The following CSMD1 variants were observed in gnomAD, a reference collection of about 807,000 sequenced individuals.
CSMD1 encodes the protein CUB and sushi domain-containing protein 1.
CSMD1 carries 213 observed loss-of-function variants against 417.5 expected under a neutral mutation model. The observed-to-expected ratio is 0.51, with a 90% CI of 0.46 to 0.57. The LOEUF (loss-of-function observed/expected upper bound fraction) is 0.57, where lower values mean the gene tolerates loss of function less well. CSMD1 is among the 20% of genes least tolerant of loss of function. The pLI, the probability that CSMD1 is intolerant of heterozygous loss-of-function variation, is 0.00. For synonymous variants in CSMD1, 2,862 were observed against 1,736.8 expected (o/e 1.65, Z -16.11); for missense variants, 6,923 against 4,529.7 (o/e 1.53, Z -15.17).
At chr8:3,747,200 C>T (rs1048197466) in intron 6 of CSMD1, among the ~76,000 whole-genome samples, 3 of 152,158 alleles carry the variant, frequency 2.0e-5, no homozygotes, top group Non-Finnish European at 4.4e-5. Context: ...TGACGAGAGC[C>T]ACAGCCCTTA....
chr8:4,296,432 A>G (rs936951481), intron 3 of CSMD1, among the ~76,000 whole-genome samples: 2 of 152,234 alleles, frequency 1.3e-5, no homozygotes, highest in Non-Finnish European at 2.9e-5. Flanking sequence ...AGTGTGAGAT[A>G]GCATGGCATT....
intron 3 of CSMD1, among the ~76,000 whole-genome samples, chr8:4,277,056 C>T (rs1796527054): frequency 6.6e-6 from 1 of 152,058 alleles, no homozygotes; most frequent in African/African-American, 2.4e-5. Flanking sequence ...TCAGACTATC[C>T]ATTTTACAAT....
chr8:4,450,159 T>G (rs1300907119), intron 2 of CSMD1, among the ~76,000 whole-genome samples: 1 of 152,136 alleles, frequency 6.6e-6, no homozygotes, highest in African/African-American at 2.4e-5. Context: ...CCAAAATGGT[T>G]GATATACGTA....
chr8:3,502,603 C>T (rs1381344952), intron 10 of CSMD1, among the ~76,000 whole-genome samples: 2 of 152,138 alleles, frequency 1.3e-5, no homozygotes, highest in Non-Finnish European at 2.9e-5. Context: ...GTGAAACAAG[C>T]CAATTTTAGA....
intron 2 of CSMD1, among the ~76,000 whole-genome samples, chr8:4,620,670 G>C (rs1256532633): frequency 6.6e-6 from 1 of 151,708 alleles, no homozygotes; most frequent in East Asian, 1.9e-4. Flanking sequence ...ATAGGACGAA[G>C]ATAAAATCAT....
intron 1 of CSMD1, chr8:4,787,946 T>A (rs1270135391): frequency 6.3e-7 from 1 of 1,594,986 alleles, no homozygotes; most frequent in Non-Finnish European, 8.6e-7. Context: ...TTGACAATGA[T>A]TCCTGGAGAC....
At chr8:3,187,379 G>C (rs910367606) in intron 36 of CSMD1, among the ~76,000 whole-genome samples, 2 of 152,188 alleles carry the variant, frequency 1.3e-5, no homozygotes, top group Non-Finnish European at 2.9e-5. Flanking sequence ...GCATTCGTGA[G>C]AGTCGGAGGT....
At chr8:4,034,128 T>C (rs1226373620) in intron 3 of CSMD1, among the ~76,000 whole-genome samples, 1 of 152,214 alleles carries the variant, frequency 6.6e-6, no homozygotes, top group Non-Finnish European at 1.5e-5. Flanking sequence ...ATATTTTCTG[T>C]TTTATTAGTT....
chr8:4,535,029 G>A (rs1167219293), intron 2 of CSMD1, among the ~76,000 whole-genome samples: 1 of 152,174 alleles, frequency 6.6e-6, no homozygotes, highest in Non-Finnish European at 1.5e-5. Flanking sequence ...CCAAAGTGCT[G>A]GGATTACAGG....
chr8:3,267,388 C>T (rs899775584), intron 26 of CSMD1, among the ~76,000 whole-genome samples: 1 of 152,212 alleles, frequency 6.6e-6, no homozygotes, highest in Non-Finnish European at 1.5e-5. Context: ...TACAAAGGTG[C>T]GTTGGAGCAA....
At chr8:3,247,826 A>C (rs911281236) in intron 26 of CSMD1, among the ~76,000 whole-genome samples, 2 of 152,214 alleles carry the variant, frequency 1.3e-5, no homozygotes, top group South Asian at 2.1e-4. Context: ...CCTCCAATCT[A>C]CTGTACAAAA....
intron 2 of CSMD1, among the ~76,000 whole-genome samples, chr8:4,632,752 G>A (rs1051124027): frequency 2.6e-5 from 4 of 152,164 alleles, no homozygotes; most frequent in Admixed American, 6.6e-5. Flanking sequence ...CAAAGAAAAT[G>A]TACGTGGGTT....
At chr8:3,597,015 G>C (rs1416230228) in intron 8 of CSMD1, among the ~76,000 whole-genome samples, 3 of 152,108 alleles carry the variant, frequency 2.0e-5, no homozygotes, top group East Asian at 1.9e-4. Context: ...CCAGAACCCA[G>C]GTGCTGATGC....
At chr8:3,676,310 T>G (rs761688216) in intron 7 of CSMD1, among the ~76,000 whole-genome samples, 2 of 152,148 alleles carry the variant, frequency 1.3e-5, no homozygotes, top group African/African-American at 2.4e-5. Context: ...GTTCCTAAGC[T>G]GTATTCTTTT....
rs183039376 is a variant in CSMD1, at chr8:3,872,143, G to T, written c.819-118101C>A. Among the ~76,000 whole-genome samples the T allele has an allele frequency of 2.1e-3, 320 of 152,176 alleles. 2 individuals are homozygous for T. The highest frequency in any genetic ancestry group is 7.5e-3 in the African/African-American group (311 of 41,522). ...TTATTTGTTCTTTTTCTCATTTCAT[G>T]TTGTTTTAACCCGTGTTTGGATCCT... On this transcript the variant is annotated intron_variant, in intron 5 of 69. Coordinates refer to ENST00000635120, the MANE Select transcript of CSMD1 (RefSeq NM_033225.6).
At chr8:4,130,966 A>G (rs777636089) in intron 3 of CSMD1, among the ~76,000 whole-genome samples, 2 of 152,138 alleles carry the variant, frequency 1.3e-5, no homozygotes, top group Admixed American at 1.3e-4. Flanking sequence ...AATAGAAAAC[A>G]TTATACTTTG....
chr8:4,637,966 G>A (rs1461892507), intron 1 of CSMD1, among the ~76,000 whole-genome samples: 4 of 152,170 alleles, frequency 2.6e-5, no homozygotes, highest in African/African-American at 7.2e-5. Context: ...CACCGCGCCC[G>A]GCCTAGCCAA....
chr8:3,377,976 C>T (rs979915579), intron 18 of CSMD1, among the ~76,000 whole-genome samples: 11 of 152,176 alleles, frequency 7.2e-5, no homozygotes, highest in Non-Finnish European at 1.3e-4. Context: ...TCAGTGCCGT[C>T]ATGGCCTGGA....
intron 7 of CSMD1, among the ~76,000 whole-genome samples, chr8:3,669,430 G>C (rs1368048058): frequency 1.3e-5 from 2 of 152,128 alleles, no homozygotes; most frequent in Non-Finnish European, 2.9e-5. Context: ...ACTGTAGTGA[G>C]GGACTCCACT....
Sources: gnomAD v4.1 joint callset for allele counts (sites outside exome capture counted in the v4.1 genomes callset) on GRCh38, gnomAD v4.1.1 for gene constraint, MANE v1.5 for transcripts, NCBI Gene and HGNC (gene_info 2026-07-23, HGNC 2026-07-21) for gene names.